The following DHRS3 variants were observed in gnomAD, a reference collection of about 807,000 sequenced individuals.
DHRS3 encodes short-chain dehydrogenase/reductase 3.
DHRS3 carries 14 observed loss-of-function variants against 27.2 expected under a neutral mutation model. The ratio of observed to expected loss-of-function variants is 0.52; its 90% CI spans 0.34 to 0.81. DHRS3 has a LOEUF of 0.81. Among genes scored for constraint, DHRS3 ranks in the 30% least tolerant of loss-of-function variants. The pLI is 0.01. For missense variants in DHRS3, 322 were observed against 406.2 expected (o/e 0.79, Z 1.78); for synonymous variants, 165 against 175.9 (o/e 0.94, Z 0.49).
intron 1 of DHRS3, 23 bp from the exon 2 acceptor site, chr1:12,580,689 C>A (rs1557517049): frequency 6.2e-7 from 1 of 1,602,774 alleles, no homozygotes; most frequent in Non-Finnish European, 8.5e-7. Flanking sequence ...AATAACAACG[C>A]AGAACAAATG....
intron 1 of DHRS3, chr1:12,600,257 A>G (rs1319855221): frequency 3.1e-6 from 2 of 647,904 alleles, no homozygotes; most frequent in Non-Finnish European, 3.8e-6. Context: ...AAACATTTCC[A>G]CTGACTTGAA....
chr1:12,579,578 C>T (rs992041839), intron 2 of DHRS3, among the ~76,000 whole-genome samples, 166 bp from the exon 3 acceptor site: 6 of 152,334 alleles, frequency 3.9e-5, no homozygotes, highest in Admixed American at 6.5e-5. Flanking sequence ...TGGGTTCAAG[C>T]GATTCTCATG....
In DHRS3 at chr1:12,608,195, C is replaced by T. The variant is rs1646883725; in HGVS notation, c.195+8959G>A. ...CCTGGCCTATATTTTTTATTTTCAT[C>T]CTTTAATTCCATTTTCCACCACCTT... On this transcript the variant is annotated intron_variant, in intron 1 of 5. Coordinates refer to ENST00000616661, the MANE Select transcript of DHRS3 (RefSeq NM_004753.7). This position sits in a 1 kb window ranked among gnomAD's most constrained non-coding sequence, Gnocchi z 4.1. 6.6e-6 allele frequency among the ~76,000 whole-genome samples: 1 copy of T among 152,086 alleles called. No individual in the cohort carries two copies. Among genetic ancestry groups the T allele is most frequent in the African/African-American group, 2.4e-5 (1 of 41,426 alleles).
intron 1 of DHRS3, among the ~76,000 whole-genome samples, chr1:12,604,548 C>G (rs1011976647): frequency 6.6e-6 from 1 of 152,190 alleles, no homozygotes; most frequent in South Asian, 2.1e-4. Flanking sequence ...TGCTTATCAC[C>G]GCTCTCTCCA....
intron 2 of DHRS3, chr1:12,579,769 G>A (rs1266568039): frequency 3.6e-5 from 8 of 220,726 alleles, no homozygotes; most frequent in African/African-American, 1.4e-4. Flanking sequence ...CACCGCACCC[G>A]GTCCAATATA....
chr1:12,591,480 A>G lies in DHRS3; in HGVS notation c.196-10814T>C, dbSNP rs539742769. ...GATCAGCCAGTGGTGTCGCCCTCCC[A>G]CAAGTCCCTGACCGCAACCTGGAGC... On this transcript the variant is annotated intron_variant, in intron 1 of 5. Transcript: ENST00000616661. The surrounding 1 kb of genome is among the most constrained non-coding windows in gnomAD (Gnocchi z 4.1). Among the ~76,000 whole-genome samples the G allele has an allele frequency of 1.3e-5, 2 of 152,184 alleles. No individual in the cohort carries two copies. The highest frequency in any genetic ancestry group is 2.9e-5 in the Non-Finnish European group (2 of 68,018).
At chr1:12,597,935 C>T (rs987127468) in intron 1 of DHRS3, among the ~76,000 whole-genome samples, 1 of 152,202 alleles carries the variant, frequency 6.6e-6, no homozygotes, top group South Asian at 2.1e-4. Flanking sequence ...CCCCAGCCAT[C>T]GCACAGAGGG....
chr1:12,616,814 A>C, intron 1 of DHRS3: 3 of 951,172 alleles, frequency 3.2e-6, no homozygotes, highest in Non-Finnish European at 4.0e-6. Context: ...GGCGGCAAGA[A>C]AAAGGGGGGA....
chr1:12,616,140 C>T (rs1034010984), intron 1 of DHRS3, among the ~76,000 whole-genome samples: 1 of 152,248 alleles, frequency 6.6e-6, no homozygotes, highest in Non-Finnish European at 1.5e-5. Context: ...ACTTAATCCC[C>T]AAGGTATGCG....
intron 4 of DHRS3, among the ~76,000 whole-genome samples, chr1:12,576,553 T>G (rs1174175374): frequency 6.7e-6 from 1 of 148,710 alleles, no homozygotes; most frequent in South Asian, 2.2e-4. Context: ...CAGAGCAAGA[T>G]TCCGTCTTAA....
At chr1:12,575,869 G>T (rs1213924567) in intron 4 of DHRS3, among the ~76,000 whole-genome samples, 3 of 152,042 alleles carry the variant, frequency 2.0e-5, no homozygotes, top group African/African-American at 7.2e-5. Flanking sequence ...ACCATGCCTG[G>T]CTAATTTTTG....
chr1:12,617,717 A>AT lies in DHRS3; in HGVS notation c.-370_-369insA. ...CTGACAGAGGAGTTTAGGGAGGGGA[A>AT]GAAAAAAAAAAAAAGGCACCAACCA... On this transcript the variant is annotated 5_prime_UTR_variant, in exon 1 of 6. Transcript: ENST00000616661. 1 of 154,100 alleles carries AT rather than the reference A, an allele frequency of 6.5e-6. No homozygotes were observed. Among genetic ancestry groups the AT allele is most frequent in the Non-Finnish European group, 1.4e-5 (1 of 73,270 alleles). 9.5% of individuals were successfully genotyped at this position (154,100 alleles called of 1,614,324 possible).
At chr1:12,575,802 G>A (rs1646581535) in intron 4 of DHRS3, among the ~76,000 whole-genome samples, 1 of 152,174 alleles carries the variant, frequency 6.6e-6, no homozygotes, top group East Asian at 1.9e-4. Flanking sequence ...CACCTCCCAG[G>A]TTCAAGCGAT....
rs1019443128 is a variant in DHRS3 at position 12,617,395 on chromosome 1, G to C, written c.-47C>G. Reference sequence around the variant, plus strand: ...CAGGGGGCGAAACTCCCCGGGCCGAGCAATACAGGAATTAAAAAACACCCC... The same window carrying C: ...CAGGGGGCGAAACTCCCCGGGCCGACCAATACAGGAATTAAAAAACACCCC... On this transcript the variant is annotated 5_prime_UTR_variant, in exon 1 of 6. Transcript: ENST00000616661. 1 of 1,566,256 alleles carries C rather than the reference G, an allele frequency of 6.4e-7. No individual in the cohort carries two copies. The highest frequency in any genetic ancestry group is 1.2e-5 in the South Asian group (1 of 85,888).
intron 4 of DHRS3, among the ~76,000 whole-genome samples, chr1:12,577,583 G>C (rs1037607343): frequency 6.6e-6 from 1 of 152,194 alleles, no homozygotes; most frequent in Non-Finnish European, 1.5e-5. Context: ...CCTGCACTTT[G>C]GGAGGCTGAG....
chr1:12,580,139 A>G (rs908824910), intron 2 of DHRS3: 26 of 322,318 alleles, frequency 8.1e-5, no homozygotes, highest in African/African-American at 5.5e-4. Context: ...ACATAAAAAC[A>G]GTTAACATTA....
At chr1:12,606,211 G>A (rs1037394770) in intron 1 of DHRS3, among the ~76,000 whole-genome samples, 1 of 147,962 alleles carries the variant, frequency 6.8e-6, no homozygotes, top group African/African-American at 2.5e-5. Context: ...ATGAGATGAT[G>A]TTGAAGATAA....
intron 1 of DHRS3, among the ~76,000 whole-genome samples, chr1:12,604,328 C>T (rs1381367684): frequency 2.0e-5 from 3 of 152,212 alleles, no homozygotes; most frequent in African/African-American, 2.4e-5. Context: ...AGATGTCACA[C>T]TGGTTGTCAA....
intron 1 of DHRS3, among the ~76,000 whole-genome samples, chr1:12,599,041 A>G (rs955215723): frequency 6.6e-6 from 1 of 152,224 alleles, no homozygotes; most frequent in Non-Finnish European, 1.5e-5. Flanking sequence ...ACCTTCAGCT[A>G]ATTAAACGTA....
Sources: allele counts gnomAD v4.1 joint callset (sites outside exome capture counted in the v4.1 genomes callset), GRCh38; gene constraint gnomAD v4.1.1; non-coding constraint Gnocchi (gnomAD v3.1); transcripts MANE v1.5; gene names NCBI Gene and HGNC (gene_info 2026-07-23, HGNC 2026-07-21).